The following CAPZB variants were observed in gnomAD, a reference collection of about 807,000 sequenced individuals.
CAPZB encodes the protein capping actin protein of muscle Z-line subunit beta.
In CAPZB, 2 loss-of-function variants were observed where a neutral mutation model predicts 38.1. The observed-to-expected ratio is 0.05, with a 90% CI of 0.02 to 0.17. The LOEUF is 0.17. Among genes scored for constraint, CAPZB ranks in the 10% least tolerant of loss-of-function variants. The probability of loss-of-function intolerance (pLI) is 1.00; values close to 1 mark genes in which losing one functional copy is unlikely to be tolerated. For missense variants in CAPZB, 161 were observed against 334.2 expected, an observed-to-expected ratio of 0.48 and a Z score of 4.04; for synonymous variants, 107 against 127.4, an observed-to-expected ratio of 0.84 and a Z score of 1.08.
intron 2 of CAPZB, among the ~76,000 whole-genome samples, chr1:19,389,044 C>T (rs555578054): frequency 3.3e-5 from 5 of 152,294 alleles, no homozygotes; most frequent in South Asian, 2.1e-4. Context: ...TTTCCATCAG[C>T]GCTGTTTCTT....
chr1:19,482,311 G>C (rs1449963069), intron 1 of CAPZB, among the ~76,000 whole-genome samples: 2 of 152,248 alleles, frequency 1.3e-5, no homozygotes, highest in Non-Finnish European at 2.9e-5. Context: ...AGACAGACAA[G>C]AGGGATGTGA....
At chr1:19,377,473 G>A (rs1036154189) in intron 4 of CAPZB, among the ~76,000 whole-genome samples, 1 of 152,180 alleles carries the variant, frequency 6.6e-6, no homozygotes, top group Non-Finnish European at 1.5e-5. Context: ...TAAAGATAAT[G>A]TATATAAAAT....
Position 19,392,566 on chromosome 1 carries a change from G to A in CAPZB, c.94-6940C>T, listed in dbSNP as rs1245897036. On this transcript the variant is annotated intron_variant, in intron 2 of 8. Transcript: ENST00000264202. ...AAAAAAAGGCCAGCTGCGGTGGCTCGCTTGAGATCAAGAGTTCGAGACCAG... is the reference window on the plus strand; with the variant it reads ...AAAAAAAGGCCAGCTGCGGTGGCTCACTTGAGATCAAGAGTTCGAGACCAG... 6.7e-5 allele frequency among the ~76,000 whole-genome samples: 10 copies of A among 148,532 alleles called. No individual in the cohort carries two copies. In the East Asian group the frequency reaches 1.4e-3, roughly 21 times the overall value.
chr1:19,446,204 C>T (rs1244891271), intron 1 of CAPZB, among the ~76,000 whole-genome samples: 1 of 152,228 alleles, frequency 6.6e-6, no homozygotes, highest in East Asian at 1.9e-4. Context: ...ACAGCACTGG[C>T]CGGGGTGTCC....
At chr1:19,459,183 A>G (rs2094542583) in intron 1 of CAPZB, among the ~76,000 whole-genome samples, 1 of 152,222 alleles carries the variant, frequency 6.6e-6, no homozygotes, top group African/African-American at 2.4e-5. Flanking sequence ...GGACAAGGCT[A>G]ATTTTACTCA....
chr1:19,431,652 C>T (rs919829910), intron 1 of CAPZB, among the ~76,000 whole-genome samples: 11 of 151,628 alleles, frequency 7.3e-5, no homozygotes, highest in Non-Finnish European at 1.6e-4. Flanking sequence ...ACCCAGGAGG[C>T]GGAGCTTGCA....
At chr1:19,402,909 G>C (rs976438741) in intron 2 of CAPZB, among the ~76,000 whole-genome samples, 3 of 152,002 alleles carry the variant, frequency 2.0e-5, no homozygotes, top group Non-Finnish European at 4.4e-5. Flanking sequence ...ATTAGCTGGG[G>C]GTGGTGGCAG....
rs190008715 is a variant in CAPZB, at chr1:19,349,830, C to T, written c.589-4578G>A. ...TGAGGGGCACAGGGCTCGGTGCACC[C>T]GGCCGTATTTCCACAGCCCCCTTGC... On this transcript the variant is annotated intron_variant, in intron 6 of 8. Coordinates refer to ENST00000264202, the MANE Select transcript of CAPZB (RefSeq NM_004930.5). Among the ~76,000 whole-genome samples, 5 of 152,194 alleles carry T rather than the reference C, an allele frequency of 3.3e-5. No homozygotes were observed. The East Asian group carries it at 9.6e-4, about 29-fold the overall frequency.
intron 6 of CAPZB, among the ~76,000 whole-genome samples, chr1:19,348,709 A>G (rs1385631753): frequency 7.1e-6 from 1 of 141,094 alleles, no homozygotes; most frequent in Admixed American, 7.1e-5. Flanking sequence ...CTCACAAAGC[A>G]ATGTGGTCTG....
intron 1 of CAPZB, among the ~76,000 whole-genome samples, chr1:19,464,262 A>G (rs1200565505): frequency 6.6e-6 from 1 of 151,602 alleles, no homozygotes; most frequent in Non-Finnish European, 1.5e-5. Flanking sequence ...AAAAAGAAAA[A>G]GTCCACATAA....
At chr1:19,404,229 T>C (rs1474438565) in intron 2 of CAPZB, among the ~76,000 whole-genome samples, 2 of 52,750 alleles carry the variant, frequency 3.8e-5, no homozygotes, top group African/African-American at 9.2e-5. Flanking sequence ...TGAGACTCCA[T>C]CTCAAAAAAA....
In CAPZB at chr1:19,460,299, C is replaced by T. The variant is rs147740127; in HGVS notation, c.3+25137G>A. On this transcript the variant is annotated intron_variant, in intron 1 of 8. Transcript: ENST00000264202. ...TTTGTTTGTTTGTTTTTTTATGAGACGGAGTCTCGCTCTGTCGCCCAGGCT... is the reference window on the plus strand; with the variant it reads ...TTTGTTTGTTTGTTTTTTTATGAGATGGAGTCTCGCTCTGTCGCCCAGGCT... Among the ~76,000 whole-genome samples, 17 of 152,284 alleles carry T rather than the reference C, an allele frequency of 1.1e-4. 1 individual carries two copies. Among genetic ancestry groups the T allele is most frequent in the African/African-American group, 3.6e-4 (15 of 41,566 alleles).
chr1:19,396,605 G>A (rs1230875233), intron 2 of CAPZB, among the ~76,000 whole-genome samples: 3 of 152,122 alleles, frequency 2.0e-5, no homozygotes, highest in Middle Eastern at 3.4e-3. Context: ...CTTCCCGGAC[G>A]GTCCTCAGTC....
At chr1:19,483,752 C>A (rs940115178) in intron 1 of CAPZB, among the ~76,000 whole-genome samples, 5 of 152,216 alleles carry the variant, frequency 3.3e-5, no homozygotes, top group African/African-American at 1.2e-4. Flanking sequence ...GCCAGGCCCA[C>A]CTCCCCAAAC....
chr1:19,355,081 A>G (rs1046824038), intron 6 of CAPZB, among the ~76,000 whole-genome samples: 1 of 152,140 alleles, frequency 6.6e-6, no homozygotes, highest in Admixed American at 6.5e-5. Flanking sequence ...GAGGCAGTGG[A>G]GCTTCTATAG....
At chr1:19,405,462 G>C (rs2094326353) in intron 2 of CAPZB, among the ~76,000 whole-genome samples, 1 of 139,166 alleles carries the variant, frequency 7.2e-6, no homozygotes, top group Admixed American at 7.7e-5. Flanking sequence ...GGGCGAAGAA[G>C]TATTAAGCCT....
At chr1:19,371,366 A>T (rs115863674) in intron 4 of CAPZB, among the ~76,000 whole-genome samples, 1 of 152,214 alleles carries the variant, frequency 6.6e-6, no homozygotes, top group Non-Finnish European at 1.5e-5. Context: ...CCTGCTGCAC[A>T]ATTAGAAGAG....
At chr1:19,400,097 A>G (rs1307903656) in intron 2 of CAPZB, among the ~76,000 whole-genome samples, 3 of 152,118 alleles carry the variant, frequency 2.0e-5, no homozygotes, top group Non-Finnish European at 4.4e-5. Context: ...TGTATACAGA[A>G]TCCAAATTCC....
At chr1:19,431,803 G>C (rs1239744844) in intron 1 of CAPZB, among the ~76,000 whole-genome samples, 1 of 151,934 alleles carries the variant, frequency 6.6e-6, no homozygotes, top group Non-Finnish European at 1.5e-5. Context: ...CGGGCTGCAA[G>C]CAATGGCTTA....
Sources: allele counts gnomAD v4.1 joint callset (sites outside exome capture counted in the v4.1 genomes callset), GRCh38; gene constraint gnomAD v4.1.1; transcripts MANE v1.5; gene names NCBI Gene and HGNC (gene_info 2026-07-23, HGNC 2026-07-21).